The following MYL4 variants were observed in gnomAD, a reference collection of about 807,000 sequenced individuals.
MYL4 encodes atrial myosin light chain 1.
A neutral mutation model predicts 21.6 loss-of-function variants in MYL4; 16 were observed. The ratio of observed to expected loss-of-function variants is 0.74; its 90% confidence interval spans 0.50 to 1.12. The LOEUF is 1.12. Among genes scored for constraint, MYL4 ranks in the 50% most tolerant of loss-of-function variants. The pLI, the probability that MYL4 is intolerant of heterozygous loss-of-function variation, is 0.00. For missense variants in MYL4, 249 were observed against 252.9 expected, an observed-to-expected ratio of 0.98 and a Z score of 0.11; for synonymous variants, 82 against 95.7, an observed-to-expected ratio of 0.86 and a Z score of 0.83.
At chr17:47,208,013 C>T (rs1204383407), upstream of MYL4, among the ~76,000 whole-genome samples, 1 of 152,196 alleles carries the variant, frequency 6.6e-6, no homozygotes, top group Non-Finnish European at 1.5e-5. Context: ...TAGACTCAGA[C>T]ATATCTACAT....
intron 3 of MYL4, 44 bp downstream of exon 3, chr17:47,220,097 C>A (rs755277806): frequency 1.9e-6 from 3 of 1,553,220 alleles, no homozygotes; most frequent in Non-Finnish European, 2.6e-6. Context: ...GTCAGGCTTG[C>A]AGCCCCTTGG....
At chr17:47,214,887 C>T (rs1203046318) in intron 2 of MYL4, among the ~76,000 whole-genome samples, 1 of 152,122 alleles carries the variant, frequency 6.6e-6, no homozygotes, top group East Asian at 1.9e-4. Context: ...ACAAACAGTT[C>T]TACCTCATTC....
chr17:47,215,584 A>C (rs2064807638), intron 2 of MYL4, among the ~76,000 whole-genome samples: 1 of 152,198 alleles, frequency 6.6e-6, no homozygotes. Flanking sequence ...TAATTCTTCC[A>C]TTATTGGCCA....
intron 1 of MYL4, among the ~76,000 whole-genome samples, chr17:47,202,028 C>T (rs1346074013): frequency 6.6e-6 from 1 of 152,166 alleles, no homozygotes; most frequent in African/African-American, 2.4e-5. Context: ...TTCTGTCGCC[C>T]AGGCTGGAGT....
upstream of MYL4, among the ~76,000 whole-genome samples, chr17:47,199,296 T>G: frequency 8.8e-6 from 1 of 114,166 alleles, no homozygotes; most frequent in African/African-American, 3.6e-5. Flanking sequence ...GAGCAAGACT[T>G]TGTCTCAAAA....
At chr17:47,215,375 G>C (rs1156667465) in intron 2 of MYL4, among the ~76,000 whole-genome samples, 1 of 152,202 alleles carries the variant, frequency 6.6e-6, no homozygotes. Context: ...ATGGGGAGGG[G>C]ACAACTCATT....
At chr17:47,200,402 G>A (rs1025814740), upstream of MYL4, 1 of 152,168 alleles carries the variant, frequency 6.6e-6, no homozygotes, top group African/African-American at 2.4e-5. Flanking sequence ...TGGGGGCTAA[G>A]CTTCTCCGTC....
chr17:47,191,700 A>T, the MYL4 span, among the ~76,000 whole-genome samples: 2 of 152,082 alleles, frequency 1.3e-5, no homozygotes, highest in African/African-American at 4.8e-5. Context: ...CAAACTCCTG[A>T]TCTCATGATC....
chr17:47,212,765 T>C (rs757654752), intron 1 of MYL4, among the ~76,000 whole-genome samples: 1 of 152,192 alleles, frequency 6.6e-6, no homozygotes, highest in Non-Finnish European at 1.5e-5. Flanking sequence ...ACTGTCATGT[T>C]TGGGGATTTG....
chr17:47,204,015 G>C (rs1017708371), intron 1 of MYL4, among the ~76,000 whole-genome samples: 2 of 152,218 alleles, frequency 1.3e-5, no homozygotes, highest in African/African-American at 4.8e-5. Context: ...GAAATTTAGA[G>C]GGCTAAGGAG....
upstream of MYL4, chr17:47,209,043 A>G (rs1338797951): frequency 3.1e-6 from 1 of 322,520 alleles, no homozygotes; most frequent in Non-Finnish European, 5.8e-6. Context: ...AGGCTTATCA[A>G]CTGCTCAAGT....
At chr17:47,215,564 G>A (rs988114719) in intron 2 of MYL4, among the ~76,000 whole-genome samples, 8 of 152,098 alleles carry the variant, frequency 5.3e-5, no homozygotes, top group African/African-American at 1.2e-4. Context: ...GGAGACTTTC[G>A]TATTAGCCCT....
At chr17:47,209,298 G>A (rs556863863), upstream of MYL4, 11 of 1,307,914 alleles carry the variant, frequency 8.4e-6, no homozygotes, top group East Asian at 4.6e-5. Flanking sequence ...CAGCCCCTCT[G>A]TGGGGGCTCC....
At chr17:47,213,935 G>C in intron 2 of MYL4, 109 bp downstream of exon 2, 1 of 1,293,010 alleles carries the variant, frequency 7.7e-7, no homozygotes, top group South Asian at 1.2e-5. Flanking sequence ...AGTAATCACT[G>C]TCATCATCAT....
the MYL4 span, among the ~76,000 whole-genome samples, chr17:47,191,281 C>A: frequency 6.6e-6 from 1 of 152,134 alleles, no homozygotes; most frequent in African/African-American, 2.4e-5. Context: ...TGGAAACAAT[C>A]TACCACGCTA....
At chr17:47,214,664 T>C (rs1388261489) in intron 2 of MYL4, among the ~76,000 whole-genome samples, 1 of 152,224 alleles carries the variant, frequency 6.6e-6, no homozygotes, top group East Asian at 1.9e-4. Context: ...AATCCTTTTT[T>C]TCCATGCTGA....
chr17:47,195,475 C>T (rs147995376), upstream of MYL4, among the ~76,000 whole-genome samples: 2,803 of 152,090 alleles, frequency 0.018, 38 homozygotes, highest in Middle Eastern at 0.075. Flanking sequence ...GTGATCTGCC[C>T]GCCTTGGCCT....
rs776333344 is a variant in MYL4, at chr17:47,220,025, G to A, written c.285G>A (p.Leu95=). ...LGQNPTNAEV[L]RVLGKPKPEE... is the part of the protein sequence containing the mutation. ...AGAACCCTACCAATGCCGAGGTGCT[G>A]CGTGTGCTGGGCAAGCCCAAGCCTG... The change falls in exon 3 of 7, where the codon CTG becomes CTA. Residue 95 remains leucine, a synonymous_variant. Coordinates refer to ENST00000393450, the MANE Select transcript of MYL4 (RefSeq NM_002476.2). 1 of 1,613,898 alleles carries A rather than the reference G, an allele frequency of 6.2e-7. No individual in the cohort carries two copies. The highest frequency in any genetic ancestry group is 1.3e-5 in the African/African-American group (1 of 74,954).
chr17:47,197,817 T>C (rs2064695170), upstream of MYL4, among the ~76,000 whole-genome samples: 1 of 152,230 alleles, frequency 6.6e-6, no homozygotes, highest in Non-Finnish European at 1.5e-5. Flanking sequence ...ATTAAATGCA[T>C]TTTTGACTTG....
Sources: allele counts gnomAD v4.1 joint callset (sites outside exome capture counted in the v4.1 genomes callset), GRCh38; gene constraint gnomAD v4.1.1; transcripts MANE v1.5; gene names NCBI Gene and HGNC (gene_info 2026-07-23, HGNC 2026-07-21).